Variants in ACACB observed in about 807,000 individuals in gnomAD.
ACACB encodes the protein acetyl-CoA carboxylase 2.
In ACACB, 209 loss-of-function variants were observed where a neutral mutation model predicts 278.8. The ratio of observed to expected loss-of-function variants is 0.75; its 90% CI spans 0.67 to 0.84. The LOEUF is 0.84. Ranked by LOEUF, ACACB falls within the 40% of genes least tolerant of loss-of-function variation. The probability of loss-of-function intolerance (pLI) is 0.00; values close to 1 mark genes in which losing one functional copy is unlikely to be tolerated. For missense variants in ACACB, 2,850 were observed against 3,269.0 expected (o/e 0.87, Z 3.13); for synonymous variants, 1,174 against 1,285.6 (o/e 0.91, Z 1.86).
chr12:109,192,324 A>G (rs2044922513), intron 15 of ACACB, among the ~76,000 whole-genome samples: 1 of 152,230 alleles, frequency 6.6e-6, no homozygotes, highest in Admixed American at 6.5e-5. Flanking sequence ...CACCAGAATC[A>G]GAGGGTCATC....
intron 40 of ACACB, chr12:109,248,826 G>A (rs562593131): frequency 6.6e-6 from 1 of 152,324 alleles, no homozygotes; most frequent in Admixed American, 6.5e-5. Flanking sequence ...CATCACACAT[G>A]CTAAAGTGCA....
chr12:109,247,902 G>A (rs546435982), intron 40 of ACACB, among the ~76,000 whole-genome samples, 199 bp downstream of exon 40: 1 of 152,310 alleles, frequency 6.6e-6, no homozygotes, highest in East Asian at 1.9e-4. Context: ...TCTAAAATGA[G>A]TGACTCCTTT....
chr12:109,156,316 A>T (rs1357017158), intron 2 of ACACB, among the ~76,000 whole-genome samples: 1 of 151,624 alleles, frequency 6.6e-6, no homozygotes, highest in Non-Finnish European at 1.5e-5. Flanking sequence ...AACTGCTTGA[A>T]CTCGGGAGTT....
At chr12:109,260,242 A>C in intron 47 of ACACB, 4 of 1,363,942 alleles carry the variant, frequency 2.9e-6, no homozygotes, top group South Asian at 1.2e-5. Flanking sequence ...AGAATCCTAG[A>C]GATTGGTTTT....
chr12:109,122,167 T>C (rs1253016703), intron 1 of ACACB, among the ~76,000 whole-genome samples: 2 of 152,190 alleles, frequency 1.3e-5, no homozygotes, highest in Non-Finnish European at 2.9e-5. Context: ...TGAGCAATCA[T>C]TGAAAAGGTG....
Position 109,256,113 on chromosome 12 carries a change from CCTGGGCTTCT to C in ACACB, c.6167-26_6167-17del. 1 of 1,602,928 alleles carries C rather than the reference CCTGGGCTTCT, an allele frequency of 6.2e-7. No individual in the cohort carries two copies. Among genetic ancestry groups the C allele is most frequent in the Non-Finnish European group, 8.5e-7 (1 of 1,170,736 alleles). The stretch of plus-strand genomic sequence containing the variant: ...GGCCCCCAGCCACCTGGCCCTCCAG[CCTGGGCTTCT>C]GCCCTTCTGTCCACAGCTCTGAAGG... On this transcript the variant is annotated splice_polypyrimidine_tract_variant and intron_variant, in intron 44 of 52. Transcript: ENST00000338432.
chr12:109,118,064 A>G (rs2042451908), intron 1 of ACACB, among the ~76,000 whole-genome samples: 1 of 152,156 alleles, frequency 6.6e-6, no homozygotes, highest in Non-Finnish European at 1.5e-5. Context: ...ATATCATTTT[A>G]TAAATTGCAT....
intron 1 of ACACB, among the ~76,000 whole-genome samples, chr12:109,126,948 T>TACTCA (rs10631084): frequency 0.53 from 80,499 of 151,474 alleles, 22,987 homozygotes; most frequent in African/African-American, 0.75. Context: ...TGTACACCCG[T>TACTCA]ACTCTAGGAT....
intron 17 of ACACB, among the ~76,000 whole-genome samples, chr12:109,199,012 C>T (rs1593534273): frequency 1.3e-5 from 2 of 151,926 alleles, no homozygotes; most frequent in South Asian, 4.2e-4. Flanking sequence ...ATGGTGAAAC[C>T]CCATCTTTAC....
chr12:109,179,166 C>A lies in ACACB; in HGVS notation c.1516C>A (p.Leu506Ile). Residue 506 changes from leucine to isoleucine, a missense_variant, in exon 10 of 53, where the codon CTC becomes ATC. Transcript: ENST00000338432. ...CGCCCGTCACCTGGAAGTTCAGATC[C>A]TCGCTGACCAGTATGGGAATGCTGT... The part of the protein sequence containing the change: ...QHARHLEVQI[L>I]ADQYGNAVSL... The A allele has an allele frequency of 6.2e-7, 1 of 1,614,128 alleles. No homozygotes were observed. The highest frequency in any genetic ancestry group is 1.1e-5 in the South Asian group (1 of 91,064).
At chr12:109,214,091 C>CAA (rs71079536) in intron 22 of ACACB, among the ~76,000 whole-genome samples, 4 of 125,310 alleles carry the variant, frequency 3.2e-5, no homozygotes, top group South Asian at 2.4e-4. Flanking sequence ...CCTGTCTCTA[C>CAA]AAAAAAAAAA....
rs796495265 is a variant in ACACB, at chr12:109,140,259, C to T, written c.653+201C>T. ...CCTTCCTTCCTTCCTTCCTTCCATC[C>T]TTCCTTCCTTCTTTCCTTCCTTCCT... On this transcript the variant is annotated intron_variant, in intron 2 of 52. Transcript: ENST00000338432. Among the ~76,000 whole-genome samples the T allele has an allele frequency of 2.4e-3, 119 of 49,458 alleles. 8 individuals are homozygous for T. The highest frequency in any genetic ancestry group is 6.7e-3 in the African/African-American group (109 of 16,172). The allele number at this position is 49,458 out of a possible 152,430, so 32.4% of individuals were successfully genotyped here.
At chr12:109,131,957 A>C (rs1275926537) in intron 1 of ACACB, among the ~76,000 whole-genome samples, 1 of 152,076 alleles carries the variant, frequency 6.6e-6, no homozygotes, top group Non-Finnish European at 1.5e-5. Context: ...GCTGTGTCTT[A>C]AAGGTACACA....
At chr12:109,126,708 TAAAAAG>T (rs1565844270) in intron 1 of ACACB, among the ~76,000 whole-genome samples, 1 of 151,540 alleles carries the variant, frequency 6.6e-6, no homozygotes, top group Non-Finnish European at 1.5e-5. Flanking sequence ...AAATAAAAAA[TAAAAAG>T]AAAGAAAAAA....
In ACACB at chr12:109,116,617, G is replaced by C. The variant is rs1192808241; in HGVS notation, c.-97G>C. 2 of 152,232 alleles carry C rather than the reference G, an allele frequency of 1.3e-5. No homozygotes were observed. The highest frequency in any genetic ancestry group is 4.8e-5 in the African/African-American group (2 of 41,452). 9.4% of individuals were successfully genotyped at this position (152,232 alleles called of 1,614,324 possible). ...AAGCAGCTAGCAGGCTTAGATTCAGGCCCTCAGCAAACAAGGAACCTGGAA... is the reference window on the plus strand; with the variant it reads ...AAGCAGCTAGCAGGCTTAGATTCAGCCCCTCAGCAAACAAGGAACCTGGAA... On this transcript the variant is annotated 5_prime_UTR_variant, in exon 1 of 53. Transcript: ENST00000338432.
intron 1 of ACACB, among the ~76,000 whole-genome samples, chr12:109,137,517 G>A (rs574201048): frequency 8.6e-5 from 13 of 151,958 alleles, no homozygotes; most frequent in East Asian, 1.9e-4. Flanking sequence ...AAAATTAGCC[G>A]GGCATGGTGG....
chr12:109,242,169 TTCC>T, intron 36 of ACACB: 1 of 387,558 alleles, frequency 2.6e-6, no homozygotes, highest in East Asian at 4.6e-5. Context: ...TCACCAGCGT[TTCC>T]ATGCATGCCT....
chr12:109,163,666 T>A (rs1439562999), intron 2 of ACACB, among the ~76,000 whole-genome samples: 1 of 152,176 alleles, frequency 6.6e-6, no homozygotes, highest in African/African-American at 2.4e-5. Flanking sequence ...TTGTTGTTGT[T>A]TGAGATGGAG....
intron 21 of ACACB, 132 bp downstream of exon 21, chr12:109,209,485 C>G (rs2045618469): frequency 1.0e-5 from 9 of 887,996 alleles, no homozygotes; most frequent in Non-Finnish European, 3.3e-6. Flanking sequence ...ATATCAGGGG[C>G]CGAGGGTTTC....
Sources: allele counts gnomAD v4.1 joint callset (sites outside exome capture counted in the v4.1 genomes callset), GRCh38; gene constraint gnomAD v4.1.1; transcripts MANE v1.5; gene names NCBI Gene and HGNC (gene_info 2026-07-23, HGNC 2026-07-21).